Variants in XYLT1 observed in about 807,000 individuals in gnomAD.
The protein encoded by XYLT1 is beta-D-xylosyltransferase 1.
In XYLT1, 36 loss-of-function variants were observed where a neutral mutation model predicts 91.3. That is an observed-to-expected ratio of 0.39 (90% CI 0.30 to 0.52). The LOEUF is 0.52. Among genes scored for constraint, XYLT1 ranks in the 20% least tolerant of loss-of-function variants. The probability of loss-of-function intolerance (pLI) is 0.68; values close to 1 mark genes in which losing one functional copy is unlikely to be tolerated. For missense variants in XYLT1, 1,242 were observed against 1,284.5 expected, an observed-to-expected ratio of 0.97 and a Z score of 0.51; for synonymous variants, 588 against 532.0, an observed-to-expected ratio of 1.11 and a Z score of -1.45.
chr16:17,351,044 A>C (rs2035212943), intron 2 of XYLT1, among the ~76,000 whole-genome samples: 1 of 152,130 alleles, frequency 6.6e-6, no homozygotes, highest in Non-Finnish European at 1.5e-5. Context: ...AACTCTGCAC[A>C]TTCTTTGCAC....
chr16:17,324,091 T>A (rs59980578), intron 2 of XYLT1, among the ~76,000 whole-genome samples: 1 of 152,086 alleles, frequency 6.6e-6, no homozygotes, highest in Admixed American at 6.5e-5. Flanking sequence ...CATGCACACA[T>A]GCTTCCCAAC....
intron 1 of XYLT1, among the ~76,000 whole-genome samples, chr16:17,424,434 C>A (rs1334638024): frequency 6.6e-6 from 1 of 152,196 alleles, no homozygotes; most frequent in African/African-American, 2.4e-5. Flanking sequence ...AGACGATAGG[C>A]TTCATGAAGA....
At chr16:17,110,949 C>T (rs1025283123) in intron 11 of XYLT1, among the ~76,000 whole-genome samples, 1 of 152,162 alleles carries the variant, frequency 6.6e-6, no homozygotes, top group African/African-American at 2.4e-5. Flanking sequence ...CACCTGAGGT[C>T]AGGAGTTCGA....
At chr16:17,341,056 C>T (rs1002383213) in intron 2 of XYLT1, among the ~76,000 whole-genome samples, 19 of 152,120 alleles carry the variant, frequency 1.2e-4, no homozygotes, top group African/African-American at 3.9e-4. Flanking sequence ...AGGCTTTGAC[C>T]GGAGATGTGA....
chr16:17,444,301 C>T (rs1204788908), intron 1 of XYLT1, among the ~76,000 whole-genome samples: 1 of 152,144 alleles, frequency 6.6e-6, no homozygotes, highest in East Asian at 1.9e-4. Context: ...TACAGTCTAA[C>T]CCTCAGTACT....
chr16:17,200,041 T>C (rs1000873129), intron 4 of XYLT1, among the ~76,000 whole-genome samples: 34 of 151,598 alleles, frequency 2.2e-4, no homozygotes, highest in African/African-American at 8.0e-4. Flanking sequence ...GCCAACATGG[T>C]GAAACCTTGT....
chr16:17,390,086 G>C (rs1428159808), intron 1 of XYLT1, among the ~76,000 whole-genome samples: 1 of 152,178 alleles, frequency 6.6e-6, no homozygotes, highest in Admixed American at 6.5e-5. Context: ...AGCAGCAGGA[G>C]AGGGGAATAA....
At chr16:17,314,707 T>C (rs1431694078) in intron 2 of XYLT1, among the ~76,000 whole-genome samples, 1 of 152,050 alleles carries the variant, frequency 6.6e-6, no homozygotes, top group Admixed American at 6.6e-5. Context: ...ATCAAAGTGA[T>C]AGAGGAGAAA....
intron 2 of XYLT1, among the ~76,000 whole-genome samples, chr16:17,267,230 A>AG (rs1220057329): frequency 6.6e-6 from 1 of 152,216 alleles, no homozygotes; most frequent in Non-Finnish European, 1.5e-5. Context: ...CTACAAAAGA[A>AG]GGGGGTAAGA....
intron 1 of XYLT1, among the ~76,000 whole-genome samples, chr16:17,441,377 T>C (rs1017255529): frequency 1.3e-5 from 2 of 152,140 alleles, no homozygotes; most frequent in African/African-American, 4.8e-5. Flanking sequence ...TAATATTTAT[T>C]AAATATTGCA....
At chr16:17,247,592 G>C (rs1386736635) in intron 3 of XYLT1, among the ~76,000 whole-genome samples, 4 of 152,186 alleles carry the variant, frequency 2.6e-5, no homozygotes, top group Non-Finnish European at 5.9e-5. Context: ...GGAGGCCCTT[G>C]TGCAATCTGT....
At chr16:17,158,938 G>C (rs746290789) in intron 5 of XYLT1, 29 bp from the exon 6 acceptor site, 2 of 1,600,056 alleles carry the variant, frequency 1.2e-6, no homozygotes, top group Non-Finnish European at 1.7e-6. Context: ...GGGAGAGTCA[G>C]GCCAGACACC....
At position 17,234,534 on chromosome 16, in the gene XYLT1, G is replaced by A. The variant is rs1308414218; in HGVS notation, c.913+24454C>T. Among the ~76,000 whole-genome samples, 6 of 150,534 alleles carry A rather than the reference G, an allele frequency of 4.0e-5. No individual in the cohort carries two copies. In the East Asian group the frequency reaches 9.7e-4, roughly 24 times the overall value. On this transcript the variant is annotated intron_variant, in intron 3 of 11. Transcript: ENST00000261381. Reference sequence around the variant, plus strand: ...AGAAATCAATCAAATCAGCTAGTGGGTAGAGAGTAGATAAAAACAACAACA... The same window carrying A: ...AGAAATCAATCAAATCAGCTAGTGGATAGAGAGTAGATAAAAACAACAACA...
chr16:17,296,862 T>G (rs926465983), intron 2 of XYLT1, among the ~76,000 whole-genome samples: 1 of 152,184 alleles, frequency 6.6e-6, no homozygotes, highest in Non-Finnish European at 1.5e-5. Context: ...AAATCCCCGC[T>G]CCTCCACTTC....
At chr16:17,123,717 T>A (rs1255501159) in intron 10 of XYLT1, among the ~76,000 whole-genome samples, 1 of 152,158 alleles carries the variant, frequency 6.6e-6, no homozygotes, top group African/African-American at 2.4e-5. Flanking sequence ...CATAAGTCCA[T>A]TGTTTCTTTA....
chr16:17,259,253 C>A lies in XYLT1; in HGVS notation c.648G>T (p.Val216=), dbSNP rs2033683690. The change falls in exon 3 of 12, where the codon GTG becomes GTT. Residue 216 remains valine (V), a synonymous_variant. Coordinates refer to ENST00000261381, the MANE Select transcript of XYLT1 (RefSeq NM_022166.4). ...HTFPGKGPGE[V]LPPGDRAAAN... ...CTGCGGCTCTGTCCCCGGGAGGCAG[C>A]ACCTCACCGGGGCCTTTCCCAGGGA... 1.9e-6 allele frequency: 3 copies of A among 1,613,992 alleles called. No homozygotes were observed. The highest frequency in any genetic ancestry group is 1.1e-5 in the South Asian group (1 of 91,084).
chr16:17,309,942 G>A (rs984466163), intron 2 of XYLT1, among the ~76,000 whole-genome samples: 2 of 152,128 alleles, frequency 1.3e-5, no homozygotes, highest in African/African-American at 2.4e-5. Context: ...GGCCCCAGGG[G>A]CCAGGGGTGG....
rs141295353 is a variant in XYLT1, at chr16:17,187,342, C to G, written c.1289+10870G>C. 8.6e-5 allele frequency among the ~76,000 whole-genome samples: 12 copies of G among 140,250 alleles called. No homozygotes were observed. The East Asian group carries it at 2.5e-3, about 29-fold the overall frequency. 92.0% of individuals were successfully genotyped at this position (140,250 alleles called of 152,430 possible). A position where few individuals can be genotyped will look rare whatever the true frequency, so the allele number is the denominator to read the frequency against. ...CAGGGAGGCGGAGCTTGCAATGAGC[C>G]GAGATCACGCCATTGCACTCCAGCC... is the stretch of plus-strand genomic sequence containing the variant. On this transcript the variant is annotated intron_variant, in intron 5 of 11. Transcript: ENST00000261381.
At chr16:17,326,988 G>A (rs534974186) in intron 2 of XYLT1, among the ~76,000 whole-genome samples, 8 of 152,310 alleles carry the variant, frequency 5.3e-5, no homozygotes, top group Admixed American at 1.3e-4. Flanking sequence ...CCATGAAGCC[G>A]ACCCTGCTGA....
Sources: allele counts gnomAD v4.1 joint callset (sites outside exome capture counted in the v4.1 genomes callset), GRCh38; gene constraint gnomAD v4.1.1; transcripts MANE v1.5; gene names NCBI Gene and HGNC (gene_info 2026-07-23, HGNC 2026-07-21).